Variants in IQCJ observed in about 807,000 individuals in gnomAD.
The protein encoded by IQCJ is IQ domain-containing protein J.
IQCJ carries 9 observed loss-of-function variants against 11.0 expected under a neutral mutation model. That is an observed-to-expected ratio of 0.82 (90% CI 0.49 to 1.43). The LOEUF is 1.43. Ranked by LOEUF, IQCJ falls within the 40% of genes most tolerant of loss-of-function variation. The pLI is 0.00. For missense variants in IQCJ, 146 were observed against 133.2 expected (o/e 1.10, Z -0.47); for synonymous variants, 55 against 51.3 (o/e 1.07, Z -0.31).
At chr3:159,200,909 T>C (rs1478231333) in intron 1 of IQCJ, among the ~76,000 whole-genome samples, 2 of 151,888 alleles carry the variant, frequency 1.3e-5, no homozygotes, top group Non-Finnish European at 2.9e-5. Flanking sequence ...GAGATAGAAG[T>C]GTGTAGTTGG....
At chr3:159,175,376 TG>T (rs1188031016) in intron 1 of IQCJ, among the ~76,000 whole-genome samples, 2 of 152,024 alleles carry the variant, frequency 1.3e-5, no homozygotes, top group Non-Finnish European at 2.9e-5. Context: ...GAAGCTGAAG[TG>T]GGAGGATCAC....
In IQCJ at chr3:159,216,390, A is replaced by C. The variant is rs1055475206; in HGVS notation, c.10-29453A>C. 3.3e-5 allele frequency among the ~76,000 whole-genome samples: 5 copies of C among 152,142 alleles called. No individual in the cohort carries two copies. The East Asian group carries it at 7.7e-4, about 23-fold the overall frequency. ...GAAAATTCATAATTACTTTCTTTTC[A>C]GATGCTTCTGCATGTAAATTGCTTA... On this transcript the variant is annotated intron_variant, in intron 1 of 3. Transcript: ENST00000397832.
chr3:159,189,771 G>C (rs532752979), intron 1 of IQCJ, among the ~76,000 whole-genome samples: 1 of 152,190 alleles, frequency 6.6e-6, no homozygotes, highest in South Asian at 2.1e-4. Flanking sequence ...GAAAAGAGGT[G>C]TCTGATCTTC....
intron 1 of IQCJ, among the ~76,000 whole-genome samples, chr3:159,083,187 G>C (rs1287340061): frequency 6.6e-6 from 1 of 152,070 alleles, no homozygotes; most frequent in Non-Finnish European, 1.5e-5. Flanking sequence ...CTATAGCCTG[G>C]GGGACAATAT....
chr3:159,148,604 A>G (rs928153023), intron 1 of IQCJ, among the ~76,000 whole-genome samples: 12 of 152,210 alleles, frequency 7.9e-5, no homozygotes, highest in African/African-American at 2.7e-4. Context: ...ACTTAAATAC[A>G]TTGAAACTGA....
intron 1 of IQCJ, among the ~76,000 whole-genome samples, chr3:159,192,158 T>C (rs1014148857): frequency 6.6e-6 from 1 of 152,196 alleles, no homozygotes; most frequent in African/African-American, 2.4e-5. Flanking sequence ...CTAGATGATC[T>C]TGTTGGTAAA....
chr3:159,124,735 G>A (rs1719572526), intron 1 of IQCJ, among the ~76,000 whole-genome samples: 1 of 152,154 alleles, frequency 6.6e-6, no homozygotes, highest in African/African-American at 2.4e-5. Context: ...CCAGGATTTA[G>A]CATGGCATCT....
intron 1 of IQCJ, among the ~76,000 whole-genome samples, chr3:159,148,808 G>C (rs1426513646): frequency 2.0e-5 from 3 of 152,164 alleles, no homozygotes; most frequent in African/African-American, 7.2e-5. Flanking sequence ...TTTCATTTAA[G>C]ATGGATAAGG....
chr3:159,113,072 T>C (rs1718735769), intron 1 of IQCJ, among the ~76,000 whole-genome samples: 2 of 152,218 alleles, frequency 1.3e-5, no homozygotes, highest in African/African-American at 4.8e-5. Flanking sequence ...AATAACTTTT[T>C]GGTTGATGGG....
At chr3:159,141,476 T>G (rs1430998996) in intron 1 of IQCJ, among the ~76,000 whole-genome samples, 1 of 152,214 alleles carries the variant, frequency 6.6e-6, no homozygotes, top group East Asian at 1.9e-4. Flanking sequence ...AACAATCTCT[T>G]TAGAATTTTG....
At chr3:159,166,671 C>T (rs867699419) in intron 1 of IQCJ, among the ~76,000 whole-genome samples, 1 of 152,150 alleles carries the variant, frequency 6.6e-6, no homozygotes, top group South Asian at 2.1e-4. Flanking sequence ...ATATATTTAT[C>T]AGATTTTCTT....
intron 1 of IQCJ, among the ~76,000 whole-genome samples, chr3:159,112,218 C>T (rs1342915630): frequency 3.3e-5 from 5 of 152,132 alleles, no homozygotes; most frequent in South Asian, 2.1e-4. Context: ...TTAAGGATCT[C>T]GTTAGCTCCT....
At chr3:159,197,580 G>C (rs992473886) in intron 1 of IQCJ, among the ~76,000 whole-genome samples, 1 of 152,146 alleles carries the variant, frequency 6.6e-6, no homozygotes, top group African/African-American at 2.4e-5. Context: ...TGATCCAACA[G>C]ATTTTCTCCT....
At chr3:159,074,497 T>C (rs6800211) in intron 1 of IQCJ, among the ~76,000 whole-genome samples, 118,784 of 151,958 alleles carry the variant, frequency 0.78, 46,729 homozygotes, top group African/African-American at 0.86. Flanking sequence ...GTCTAACAGG[T>C]GTCTGCAGAT....
rs114243413 is a variant in IQCJ, at chr3:159,146,556, A to G, written c.9+77115A>G. ...CATAGATGGTGAGGGGCAAGAATCA[A>G]GGGTGTGTTCATGTCTCAAGCCTGG... On this transcript the variant is annotated intron_variant, in intron 1 of 3. Coordinates refer to ENST00000397832, the MANE Select transcript of IQCJ (RefSeq NM_001042706.3). 2.0e-3 allele frequency among the ~76,000 whole-genome samples: 299 copies of G among 152,260 alleles called. 1 individual carries two copies. Among genetic ancestry groups the G allele is most frequent in the African/African-American group, 6.8e-3 (283 of 41,552 alleles).
intron 1 of IQCJ, among the ~76,000 whole-genome samples, chr3:159,239,835 T>C (rs891320296): frequency 3.3e-5 from 5 of 152,230 alleles, no homozygotes; most frequent in African/African-American, 1.2e-4. Flanking sequence ...ATAATTTTCT[T>C]ACAGTAACAT....
intron 1 of IQCJ, among the ~76,000 whole-genome samples, chr3:159,139,307 A>G (rs1720469919): frequency 6.6e-6 from 1 of 152,180 alleles, no homozygotes. Flanking sequence ...GTTTTTTTTA[A>G]TAGAACTATA....
chr3:159,073,753 C>A (rs1290042262), intron 1 of IQCJ, among the ~76,000 whole-genome samples: 1 of 152,058 alleles, frequency 6.6e-6, no homozygotes, highest in Non-Finnish European at 1.5e-5. Flanking sequence ...TTCATTGGTT[C>A]CCTGTAGCCT....
At chr3:159,106,307 G>A (rs1252504198) in intron 1 of IQCJ, among the ~76,000 whole-genome samples, 1 of 152,146 alleles carries the variant, frequency 6.6e-6, no homozygotes, top group Non-Finnish European at 1.5e-5. Context: ...AGGGCTCAGA[G>A]GAGAGGTTAG....
Sources: allele counts gnomAD v4.1 joint callset (sites outside exome capture counted in the v4.1 genomes callset), GRCh38; gene constraint gnomAD v4.1.1; transcripts MANE v1.5; gene names NCBI Gene and HGNC (gene_info 2026-07-23, HGNC 2026-07-21).